GAS7: variants seen among roughly 807,000 people sequenced by gnomAD.
The protein encoded by GAS7 is growth arrest-specific protein 7.
Under a neutral mutation model 71.1 loss-of-function variants are expected in GAS7, and 28 were observed. The ratio of observed to expected loss-of-function variants is 0.39; its 90% CI spans 0.29 to 0.54. The LOEUF is 0.54. Among genes scored for constraint, GAS7 ranks in the 20% least tolerant of loss-of-function variants. GAS7 has a pLI of 0.62. For missense variants in GAS7, 436 were observed against 627.8 expected (o/e 0.69, Z 3.27); for synonymous variants, 258 against 245.8 (o/e 1.05, Z -0.46).
At chr17:9,950,344 C>CA (rs1213575221) in intron 5 of GAS7, among the ~76,000 whole-genome samples, 2 of 151,776 alleles carry the variant, frequency 1.3e-5, no homozygotes, top group African/African-American at 4.8e-5. Flanking sequence ...CTTGTCTCTA[C>CA]AAAAAATAAA....
intron 3 of GAS7, among the ~76,000 whole-genome samples, chr17:9,979,049 G>C (rs924522490): frequency 6.6e-6 from 1 of 152,186 alleles, no homozygotes; most frequent in Admixed American, 6.5e-5. Context: ...AGACATTGCC[G>C]AATGTCCCCT....
Position 9,925,464 on chromosome 17 carries a change from C to T in GAS7, c.1138+12G>A. The stretch of plus-strand genomic sequence containing the variant: ...GTGCACTGACCAGGCCAGGCGGGTG[C>T]CCAGCACTTACCAGCCTGTGTGGAC... On this transcript the variant is annotated intron_variant, in intron 11 of 13. Transcript: ENST00000432992. The T allele has an allele frequency of 1.2e-6, 2 of 1,613,854 alleles. No individual in the cohort carries two copies. Among genetic ancestry groups the T allele is most frequent in the Non-Finnish European group, 8.5e-7 (1 of 1,179,842 alleles).
At chr17:10,167,833 G>A (rs185153247) in intron 1 of GAS7, among the ~76,000 whole-genome samples, 69 of 152,154 alleles carry the variant, frequency 4.5e-4, no homozygotes, top group African/African-American at 1.6e-3. Context: ...CGAGTAGCTG[G>A]GACTACAGGC....
intron 1 of GAS7, 49 bp downstream of exon 1, chr17:10,198,159 A>G: frequency 6.4e-7 from 1 of 1,555,816 alleles, no homozygotes; most frequent in Non-Finnish European, 8.8e-7. Flanking sequence ...ACGCGAGCGC[A>G]CCGAGGACCG....
At chr17:9,927,708 T>C (rs1180894275) in intron 9 of GAS7, among the ~76,000 whole-genome samples, 5 of 152,166 alleles carry the variant, frequency 3.3e-5, no homozygotes, top group Non-Finnish European at 7.3e-5. Context: ...ATGAATGCCA[T>C]TCAATTAGAA....
chr17:10,047,109 G>C (rs954990047), intron 1 of GAS7, among the ~76,000 whole-genome samples: 7 of 152,020 alleles, frequency 4.6e-5, no homozygotes, highest in African/African-American at 1.7e-4. Flanking sequence ...CATCCATTTA[G>C]GTACAGCAAG....
At chr17:10,192,359 G>A (rs187205016) in intron 1 of GAS7, among the ~76,000 whole-genome samples, 1 of 152,330 alleles carries the variant, frequency 6.6e-6, no homozygotes, top group African/African-American at 2.4e-5. Flanking sequence ...AGACAGCACA[G>A]TCCCCTGGGC....
At chr17:10,024,694 TC>T (rs2072400239) in intron 1 of GAS7, among the ~76,000 whole-genome samples, 2 of 152,184 alleles carry the variant, frequency 1.3e-5, no homozygotes, top group African/African-American at 4.8e-5. Context: ...CACCTGGGCC[TC>T]CTTGTTCAGT....
chr17:9,919,798 C>T lies in GAS7; in HGVS notation c.1139-93G>A. 1.1e-6 allele frequency: 1 copy of T among 925,952 alleles called. No individual in the cohort carries two copies. The highest frequency in any genetic ancestry group is 1.7e-5 in the Admixed American group (1 of 58,440). 57.4% of individuals were successfully genotyped at this position (925,952 alleles called of 1,614,324 possible). ...AGCCCCACAGCCAAGCCTTCTCCTC[C>T]CCCTGGGGTCATGGTGGCCGCTGGA... On this transcript the variant is annotated intron_variant, in intron 11 of 13. Transcript: ENST00000432992. The surrounding 1 kb of genome is among the most constrained non-coding windows in gnomAD (Gnocchi z 5.0).
At chr17:10,113,447 T>C (rs903373071) in intron 1 of GAS7, among the ~76,000 whole-genome samples, 1 of 152,152 alleles carries the variant, frequency 6.6e-6, no homozygotes, top group Admixed American at 6.5e-5. Context: ...TTTATGCCCA[T>C]TGGTGAAATG....
Position 9,940,721 on chromosome 17 carries a change from G to A in GAS7, c.732-521C>T, listed in dbSNP as rs571207634. The stretch of plus-strand genomic sequence containing the variant: ...GCCTGCTGGGTACAAGTACTTCCAC[G>A]GAAACCTAGCAGTGCCCAGGGCTGC... On this transcript the variant is annotated intron_variant, in intron 7 of 13. Transcript: ENST00000432992. 6.6e-5 allele frequency among the ~76,000 whole-genome samples: 10 copies of A among 152,286 alleles called. No individual in the cohort carries two copies. The East Asian group carries it at 7.7e-4, about 12-fold the overall frequency.
At chr17:10,081,805 T>C (rs986927374) in intron 1 of GAS7, among the ~76,000 whole-genome samples, 2 of 152,230 alleles carry the variant, frequency 1.3e-5, no homozygotes, top group Admixed American at 6.5e-5. Context: ...TGATACTCTG[T>C]GGGTGGCAGT....
chr17:10,002,262 C>T (rs2071297310), intron 2 of GAS7, among the ~76,000 whole-genome samples: 1 of 152,170 alleles, frequency 6.6e-6, no homozygotes, highest in African/African-American at 2.4e-5. Context: ...TGGCCTTGGG[C>T]ATTCCTTGGC....
At chr17:9,932,935 G>A (rs117187565) in intron 9 of GAS7, among the ~76,000 whole-genome samples, 1,762 of 152,200 alleles carry the variant, frequency 0.012, 86 homozygotes, top group East Asian at 0.075. Context: ...CACTTTGGGA[G>A]GCGGAGGAGG....
intron 1 of GAS7, among the ~76,000 whole-genome samples, chr17:10,059,541 C>G (rs758782104): frequency 5.3e-5 from 8 of 152,142 alleles, no homozygotes; most frequent in Non-Finnish European, 1.0e-4. Context: ...AAATCCCCCC[C>G]AGAGCAGAGC....
intron 1 of GAS7, among the ~76,000 whole-genome samples, chr17:10,179,522 A>T (rs997500364): frequency 7.2e-5 from 11 of 152,126 alleles, no homozygotes; most frequent in African/African-American, 2.7e-4. Context: ...ACCTCTTAAG[A>T]TTCTTGGTCA....
chr17:10,059,907 T>C (rs771800548), intron 1 of GAS7: 81 of 656,702 alleles, frequency 1.2e-4, no homozygotes, highest in Non-Finnish European at 1.5e-4. Context: ...AGAGAAGTAT[T>C]CTGCAATCGG....
In GAS7 at chr17:10,103,328, T is replaced by C. The variant is rs549426180; in HGVS notation, c.184-83431A>G. The stretch of plus-strand genomic sequence containing the variant: ...AACACTGTACTCCATCCAGTCTGGG[T>C]GATAGGTTAAGACCCTGTCTCAAAC... On this transcript the variant is annotated intron_variant, in intron 1 of 13. Transcript: ENST00000432992. The surrounding 1 kb of genome is among the most constrained non-coding windows in gnomAD (Gnocchi z 5.5). Among the ~76,000 whole-genome samples the C allele has an allele frequency of 3.8e-4, 58 of 152,084 alleles. No homozygotes were observed. The highest frequency in any genetic ancestry group is 8.5e-4 in the Admixed American group (13 of 15,270).
At position 9,915,165 on chromosome 17, in the gene GAS7, G is replaced by A. The variant is rs2067549405; in HGVS notation, c.*2063C>T. 4.3e-6 allele frequency: 1 copy of A among 231,406 alleles called. No homozygotes were observed. The highest frequency in any genetic ancestry group is 1.8e-4 in the South Asian group (1 of 5,526). The allele number at this position is 231,406 out of a possible 1,614,324, so 14.3% of individuals were successfully genotyped here. ...AACTGGGCCAACCTGAGCTACCCTGGAAGACGCAAGAGGGCTCACTCTATC... is the reference window on the plus strand; with the variant it reads ...AACTGGGCCAACCTGAGCTACCCTGAAAGACGCAAGAGGGCTCACTCTATC... On this transcript the variant is annotated 3_prime_UTR_variant, in exon 14 of 14. Transcript: ENST00000432992.
Sources: gnomAD v4.1 joint callset for allele counts (sites outside exome capture counted in the v4.1 genomes callset) on GRCh38, gnomAD v4.1.1 for gene constraint, Gnocchi (gnomAD v3.1) non-coding constraint, MANE v1.5 for transcripts, NCBI Gene and HGNC (gene_info 2026-07-23, HGNC 2026-07-21) for gene names.